Variants in CDH12 observed in about 807,000 individuals in gnomAD.
CDH12 encodes cadherin 12.
Under a neutral mutation model 74.1 loss-of-function variants are expected in CDH12, and 41 were observed. That is an observed-to-expected ratio of 0.55 (90% CI 0.43 to 0.72). The LOEUF (loss-of-function observed/expected upper bound fraction) is 0.72. Among genes scored for constraint, CDH12 ranks in the 30% least tolerant of loss-of-function variants. The pLI is 0.00. For synonymous variants in CDH12, 399 were observed against 355.0 expected (o/e 1.12, Z -1.39); for missense variants, 945 against 977.2 (o/e 0.97, Z 0.44).
intron 4 of CDH12, chr5:22,143,181 G>A (rs936921982): frequency 1.3e-5 from 2 of 152,010 alleles, no homozygotes; most frequent in Non-Finnish European, 1.5e-5. Flanking sequence ...CCAAAATAAG[G>A]CATCATAATT....
At chr5:22,789,074 A>G (rs1180642992) in intron 1 of CDH12, among the ~76,000 whole-genome samples, 1 of 152,084 alleles carries the variant, frequency 6.6e-6, no homozygotes, top group African/African-American at 2.4e-5. Context: ...GTTTATTTTG[A>G]GTTTTCTTGA....
intron 5 of CDH12, among the ~76,000 whole-genome samples, chr5:21,980,676 C>T (rs1157383612): frequency 6.6e-6 from 1 of 151,942 alleles, no homozygotes; most frequent in African/African-American, 2.4e-5. Flanking sequence ...CTTTTGTTTT[C>T]TGAGAATAAA....
At chr5:21,987,518 A>G (rs934805982) in intron 5 of CDH12, among the ~76,000 whole-genome samples, 25 of 152,346 alleles carry the variant, frequency 1.6e-4, no homozygotes, top group Admixed American at 1.2e-3. Context: ...AGACAAAGAT[A>G]TCAACAATTG....
chr5:21,905,840 A>G (rs1753617473), intron 6 of CDH12, among the ~76,000 whole-genome samples: 1 of 152,082 alleles, frequency 6.6e-6, no homozygotes, highest in Non-Finnish European at 1.5e-5. Context: ...TGTGATTTGC[A>G]TTTATTTGAA....
At chr5:22,487,376 TA>T (rs1746652640) in intron 2 of CDH12, among the ~76,000 whole-genome samples, 1 of 151,890 alleles carries the variant, frequency 6.6e-6, no homozygotes, top group African/African-American at 2.4e-5. Context: ...GACAACAAGG[TA>T]AAAAACAGGG....
At chr5:22,592,274 C>T (rs987354692) in intron 1 of CDH12, among the ~76,000 whole-genome samples, 1 of 152,188 alleles carries the variant, frequency 6.6e-6, no homozygotes, top group African/African-American at 2.4e-5. Flanking sequence ...TTTCCACAGG[C>T]TGTACTTTCG....
intron 1 of CDH12, among the ~76,000 whole-genome samples, chr5:22,776,327 C>T (rs1419662792): frequency 6.6e-6 from 1 of 152,066 alleles, no homozygotes; most frequent in African/African-American, 2.4e-5. Flanking sequence ...TAATTCAACA[C>T]GATGTTTAGC....
chr5:22,512,366 T>G (rs1336504739), intron 1 of CDH12, among the ~76,000 whole-genome samples: 2 of 152,158 alleles, frequency 1.3e-5, no homozygotes, highest in Non-Finnish European at 2.9e-5. Context: ...GCTACTTCAC[T>G]GTGGGGTGGT....
At chr5:22,670,566 A>G (rs369635689) in intron 1 of CDH12, among the ~76,000 whole-genome samples, 1 of 152,104 alleles carries the variant, frequency 6.6e-6, no homozygotes, top group East Asian at 1.9e-4. Flanking sequence ...TTACTTAATC[A>G]TATTGATATA....
rs1756600240 is a variant in CDH12, at chr5:21,966,689, CTT to C, written c.526+8400_526+8401del. Among the ~76,000 whole-genome samples, 4 of 152,028 alleles carry C rather than the reference CTT, an allele frequency of 2.6e-5. No individual in the cohort carries two copies. The South Asian group carries it at 8.3e-4, about 31-fold the overall frequency. ...ACTTGGCTCCCATAGAAATCAAAGC[CTT>C]CCTGAGTAATTAATTATTTGGCCTG... On this transcript the variant is annotated intron_variant, in intron 6 of 14. Transcript: ENST00000382254.
rs531903753 is a variant in CDH12 at position 22,383,958 on chromosome 5, T to C, written c.-333+21299A>G. 2.0e-5 allele frequency among the ~76,000 whole-genome samples: 3 copies of C among 152,234 alleles called. No homozygotes were observed. In the South Asian group the frequency reaches 6.2e-4, roughly 32 times the overall value. ...GTTTTAATCATATAATTAGATGGAA[T>C]TGCCATGGGTCTGAGTTATTGTTAT... On this transcript the variant is annotated intron_variant, in intron 3 of 14. Transcript: ENST00000382254.
At chr5:21,885,660 A>G (rs945355969) in intron 6 of CDH12, among the ~76,000 whole-genome samples, 2 of 152,206 alleles carry the variant, frequency 1.3e-5, no homozygotes, top group Non-Finnish European at 2.9e-5. Flanking sequence ...GACTTTAAGC[A>G]GTCATCCTTT....
intron 1 of CDH12, among the ~76,000 whole-genome samples, chr5:22,704,464 A>C (rs1742878309): frequency 6.6e-6 from 1 of 152,126 alleles, no homozygotes; most frequent in African/African-American, 2.4e-5. Context: ...ATTTCATAAA[A>C]TATTAGGGTT....
intron 2 of CDH12, among the ~76,000 whole-genome samples, chr5:22,489,233 A>G (rs1453879398): frequency 6.7e-6 from 1 of 150,240 alleles, no homozygotes; most frequent in Non-Finnish European, 1.5e-5. Flanking sequence ...AATTTTTTGT[A>G]TTTTTAGTAG....
At chr5:21,832,199 C>G (rs1008140732) in intron 8 of CDH12, among the ~76,000 whole-genome samples, 7 of 152,130 alleles carry the variant, frequency 4.6e-5, no homozygotes, top group African/African-American at 1.7e-4. Flanking sequence ...CACCATGAAA[C>G]AGCCATGTTG....
chr5:21,805,523 A>C (rs1747382128), intron 9 of CDH12, among the ~76,000 whole-genome samples: 1 of 152,166 alleles, frequency 6.6e-6, no homozygotes, highest in Admixed American at 6.6e-5. Context: ...TAGTGATCAA[A>C]GAACTAAAGA....
chr5:21,928,548 G>T (rs377308688), intron 6 of CDH12, among the ~76,000 whole-genome samples: 14 of 152,188 alleles, frequency 9.2e-5, no homozygotes, highest in East Asian at 7.7e-4. Flanking sequence ...AAAAGGATGA[G>T]CGATGGAAAC....
At chr5:22,573,084 A>C (rs553894107) in intron 1 of CDH12, among the ~76,000 whole-genome samples, 108 of 152,312 alleles carry the variant, frequency 7.1e-4, no homozygotes, top group Middle Eastern at 3.4e-3. Context: ...TCCCATTTTG[A>C]TGATGTGCAA....
chr5:22,467,314 G>A (rs899216082), intron 2 of CDH12, among the ~76,000 whole-genome samples: 1 of 152,144 alleles, frequency 6.6e-6, no homozygotes, highest in Admixed American at 6.5e-5. Flanking sequence ...CATGTGAGAG[G>A]ATGGCCTGTC....
Sources: gnomAD v4.1 joint callset for allele counts (sites outside exome capture counted in the v4.1 genomes callset) on GRCh38, gnomAD v4.1.1 for gene constraint, MANE v1.5 for transcripts, NCBI Gene and HGNC (gene_info 2026-07-23, HGNC 2026-07-21) for gene names.